The following CUBN variants were observed in gnomAD, a reference collection of about 807,000 sequenced individuals.
The protein encoded by CUBN is 460 kDa receptor.
In CUBN, 282 loss-of-function variants were observed where a neutral mutation model predicts 405.3. The observed-to-expected ratio is 0.70, with a 90% CI of 0.63 to 0.77. CUBN has a LOEUF of 0.77. CUBN is among the 30% of genes least tolerant of loss of function. The pLI is 0.00. For synonymous variants in CUBN, 1,684 were observed against 1,617.0 expected (o/e 1.04, Z -0.99); for missense variants, 4,514 against 4,475.2 (o/e 1.01, Z -0.25).
intron 58 of CUBN, among the ~76,000 whole-genome samples, chr10:16,870,351 T>C (rs1182763964): frequency 1.3e-5 from 2 of 152,232 alleles, no homozygotes; most frequent in East Asian, 3.8e-4. Flanking sequence ...CAGTCTCATT[T>C]TCCTCTTTTA....
intron 59 of CUBN, among the ~76,000 whole-genome samples, chr10:16,863,448 G>A (rs1239976937): frequency 1.3e-5 from 2 of 152,112 alleles, no homozygotes; most frequent in African/African-American, 2.4e-5. Context: ...TTTGATCAGT[G>A]ATTTATCCAA....
At chr10:17,040,434 T>G (rs936696442) in intron 27 of CUBN, among the ~76,000 whole-genome samples, 5 of 152,156 alleles carry the variant, frequency 3.3e-5, no homozygotes, top group African/African-American at 1.2e-4. Flanking sequence ...ATCAAAAAGC[T>G]TTTTAAGTTA....
At chr10:17,056,338 C>T (rs1329021306) in intron 22 of CUBN, among the ~76,000 whole-genome samples, 1 of 152,072 alleles carries the variant, frequency 6.6e-6, no homozygotes, top group East Asian at 1.9e-4. Flanking sequence ...GAGCCGGGTG[C>T]GGTGGCTCAC....
chr10:17,116,068 C>T (rs1448911713), intron 6 of CUBN, among the ~76,000 whole-genome samples: 1 of 152,198 alleles, frequency 6.6e-6, no homozygotes, highest in Non-Finnish European at 1.5e-5. Flanking sequence ...GTCCACACCT[C>T]ACAGTCTATG....
chr10:16,970,979 A>G (rs867036643), intron 31 of CUBN, among the ~76,000 whole-genome samples: 4 of 152,174 alleles, frequency 2.6e-5, no homozygotes, highest in Non-Finnish European at 5.9e-5. Flanking sequence ...TTTAACATAC[A>G]GCTAAATTAC....
chr10:16,992,156 C>A (rs1382864265), intron 28 of CUBN, among the ~76,000 whole-genome samples: 1 of 152,114 alleles, frequency 6.6e-6, no homozygotes, highest in African/African-American at 2.4e-5. Flanking sequence ...AAACCAAACA[C>A]CACATGTTCT....
At chr10:17,115,441 C>A (rs761223889) in intron 7 of CUBN, 30 bp downstream of exon 7, 2 of 1,612,856 alleles carry the variant, frequency 1.2e-6, no homozygotes, top group Non-Finnish European at 1.7e-6. Context: ...TGGCTCTCTG[C>A]AAGGAGGCAC....
intron 56 of CUBN, among the ~76,000 whole-genome samples, chr10:16,886,670 G>A (rs1483100378): frequency 6.6e-6 from 1 of 152,192 alleles, no homozygotes; most frequent in Non-Finnish European, 1.5e-5. Flanking sequence ...GAACACAGAG[G>A]GCACTTGTGG....
Position 16,928,251 on chromosome 10 carries a change from A to G in CUBN, c.6177T>C (p.Pro2059=). 6.2e-7 allele frequency: 1 copy of G among 1,614,004 alleles called. No homozygotes were observed. Among genetic ancestry groups the G allele is most frequent in the South Asian group, 1.1e-5 (1 of 91,072 alleles). ...ACTCTCCAGTAGACCGGATGGGCCC[A>G]GGGATCTCTCTGCCACAGAGAACTG... ...QLAVLCGREI[P]GPIRSTGEYM... The change falls in exon 41 of 67, where the codon CCT becomes CCC. Residue 2059 remains proline, a synonymous_variant. Transcript: ENST00000377833.
In CUBN at chr10:16,984,263, T is replaced by C; in HGVS notation, c.4367A>G (p.Asp1456Gly). 3 of 1,614,032 alleles carry C rather than the reference T, an allele frequency of 1.9e-6. No individual in the cohort carries two copies. The highest frequency in any genetic ancestry group is 2.5e-6 in the Non-Finnish European group (3 of 1,179,982). ...FDVLEIYGGP[D>G]FHSPRIAQLC... is the part of the protein sequence containing the mutation. Reference sequence around the variant, plus strand: ...TTGGGCTATTCTGGGAGAGTGGAAATCGGGGCCTCCATAGATCTAACATGG... The same window carrying C: ...TTGGGCTATTCTGGGAGAGTGGAAACCGGGGCCTCCATAGATCTAACATGG... Residue 1456 changes from aspartate to glycine, a missense_variant, in exon 30 of 67, where the codon GAT becomes GGT. Physicochemically the swap from Asp to Gly is moderately conservative, Grantham distance 94. Around this residue, in one of 5 missense-constraint regions of CUBN, gnomAD observed 1,613 missense variants for 1,542.8 expected, o/e 1.05. Coordinates refer to ENST00000377833, the MANE Select transcript of CUBN (RefSeq NM_001081.4).
rs1402951241 is a variant in CUBN, at chr10:16,829,053, C to G, written c.10529-13G>C. On this transcript the variant is annotated splice_polypyrimidine_tract_variant and intron_variant, in intron 65 of 66. Coordinates refer to ENST00000377833, the MANE Select transcript of CUBN (RefSeq NM_001081.4). The stretch of plus-strand genomic sequence containing the variant: ...GTTCCACCACATCCTGCAAGGAAAA[C>G]AGGACAGGAAGTTTGATTCAACAGC... 6.2e-7 allele frequency: 1 copy of G among 1,606,064 alleles called. No homozygotes were observed. Among genetic ancestry groups the G allele is most frequent in the South Asian group, 1.1e-5 (1 of 90,618 alleles).
At position 17,084,266 on chromosome 10, in the gene CUBN, GT is replaced by G. The variant is rs754195487; in HGVS notation, c.2301+4del. Reference sequence around the variant, plus strand: ...ATCTAAGGGCGATTGAGTAGTGAAAGTTACCTCAATGTAATTCTGAGAACTG... The same window carrying G: ...ATCTAAGGGCGATTGAGTAGTGAAAGTACCTCAATGTAATTCTGAGAACTG... On this transcript the variant is annotated splice_donor_region_variant and intron_variant, in intron 17 of 66. Coordinates refer to ENST00000377833, the MANE Select transcript of CUBN (RefSeq NM_001081.4). 1.2e-6 allele frequency: 2 copies of G among 1,613,428 alleles called. No individual in the cohort carries two copies. Among genetic ancestry groups the G allele is most frequent in the Non-Finnish European group, 8.5e-7 (1 of 1,179,624 alleles).
Position 16,931,076 on chromosome 10 carries a change from G to GA in CUBN, c.6124+2010dup, listed in dbSNP as rs552931214. On this transcript the variant is annotated intron_variant, in intron 40 of 66. Transcript: ENST00000377833. ...TCAAGACCATCCTGGTTAACACAGT[G>GA]AAACCCCACCTCTACTAAAAATACA... Among the ~76,000 whole-genome samples, 43 of 150,526 alleles carry GA rather than the reference G, an allele frequency of 2.9e-4. No individual in the cohort carries two copies. The South Asian group carries it at 6.1e-3, about 21-fold the overall frequency.
In CUBN at chr10:16,920,094, C is replaced by A. The variant is rs1397968757; in HGVS notation, c.6690G>T (p.Gly2230=). 17 of 1,613,922 alleles carry A rather than the reference C, an allele frequency of 1.1e-5. No individual in the cohort carries two copies. The highest frequency in any genetic ancestry group is 1.4e-5 in the Non-Finnish European group (16 of 1,179,950). Residue 2230 remains glycine (G), a synonymous_variant, in exon 44 of 67, where the codon GGG becomes GGT. Transcript: ENST00000377833. ...NVYIHDADSA[G]YVTSPNHPHN... is the part of the protein sequence containing the mutation. The stretch of plus-strand genomic sequence containing the variant: ...GAGGGTGGTTGGGGGAGGTCACATA[C>A]CCAGCAGAATCAGCATCATGGATGT...
At chr10:16,975,364 T>C (rs1833059912) in intron 31 of CUBN, among the ~76,000 whole-genome samples, 1 of 152,264 alleles carries the variant, frequency 6.6e-6, no homozygotes, top group Admixed American at 6.5e-5. Flanking sequence ...AAACCTTGTC[T>C]GTGTGTTTAT....
intron 27 of CUBN, among the ~76,000 whole-genome samples, chr10:17,026,061 T>G (rs1191382236): frequency 6.6e-6 from 1 of 152,090 alleles, no homozygotes; most frequent in Non-Finnish European, 1.5e-5. Context: ...CCCCTTTGGG[T>G]CCTACCCAGC....
chr10:17,104,391 T>A, intron 12 of CUBN, 28 bp downstream of exon 12: 2 of 1,610,608 alleles, frequency 1.2e-6, no homozygotes. Context: ...GCTGTGAGCA[T>A]CCGTGGCATA....
chr10:16,844,269 C>CAA lies in CUBN; in HGVS notation c.9664-3223_9664-3222insTT, dbSNP rs374730071. Among the ~76,000 whole-genome samples, 219 of 132,206 alleles carry CAA rather than the reference C, an allele frequency of 1.7e-3. 9 individuals carry two copies. The highest frequency in any genetic ancestry group is 3.2e-3 in the East Asian group (14 of 4,342). 86.7% of individuals were successfully genotyped at this position (132,206 alleles called of 152,430 possible). A position where few individuals can be genotyped will look rare whatever the true frequency, so the allele number is the denominator to read the frequency against. On this transcript the variant is annotated intron_variant, in intron 60 of 66. Transcript: ENST00000377833. Reference sequence around the variant, plus strand: ...GGGCGACAAGAGCGAAACTCTGTCCCCAAAAAAAAAAAAAAAGACCTTCCA... The same window carrying CAA: ...GGGCGACAAGAGCGAAACTCTGTCCCAACAAAAAAAAAAAAAAAGACCTTCCA...
Position 17,071,915 on chromosome 10 carries a change from G to A in CUBN, c.2358C>T (p.His786=), listed in dbSNP as rs1228797857. The change falls in exon 18 of 67, where the codon CAC becomes CAT. Residue 786 remains histidine, a synonymous_variant. Coordinates refer to ENST00000377833, the MANE Select transcript of CUBN (RefSeq NM_001081.4). ...AGACACTATTAGTAATGGATTTAAT[G>A]TGAGAGATGGTTCCGTTGCCACAGA... ...GKVCGNGTIS[H]IKSITNSVWI... 6.2e-7 allele frequency: 1 copy of A among 1,613,114 alleles called. No homozygotes were observed. The highest frequency in any genetic ancestry group is 1.1e-5 in the South Asian group (1 of 91,026).
Sources: allele counts gnomAD v4.1 joint callset (sites outside exome capture counted in the v4.1 genomes callset), GRCh38; gene constraint gnomAD v4.1.1; regional missense constraint gnomAD v4.1.1; transcripts MANE v1.5; gene names NCBI Gene and HGNC (gene_info 2026-07-23, HGNC 2026-07-21).